Variants in FYN observed in about 807,000 individuals in gnomAD.
FYN encodes tyrosine-protein kinase Fyn.
A neutral mutation model predicts 70.2 loss-of-function variants in FYN; 10 were observed. The ratio of observed to expected loss-of-function variants is 0.14; its 90% CI spans 0.09 to 0.24. The LOEUF is 0.24. FYN is among the 10% of genes least tolerant of loss of function. The pLI, the probability that FYN is intolerant of heterozygous loss-of-function variation, is 1.00. For synonymous variants in FYN, 236 were observed against 248.6 expected, an observed-to-expected ratio of 0.95 and a Z score of 0.48; for missense variants, 319 against 673.1, an observed-to-expected ratio of 0.47 and a Z score of 5.82.
chr6:111,797,794 A>C (rs1036014447), intron 2 of FYN, among the ~76,000 whole-genome samples: 1 of 149,150 alleles, frequency 6.7e-6, no homozygotes, highest in Non-Finnish European at 1.5e-5. Context: ...ATGGAGTCTC[A>C]CTCTGTTGGC....
chr6:111,791,303 T>C (rs945435885), intron 2 of FYN, among the ~76,000 whole-genome samples: 9 of 152,110 alleles, frequency 5.9e-5, no homozygotes, highest in African/African-American at 1.7e-4. Flanking sequence ...TATAAAAGTA[T>C]GCATAAATGT....
chr6:111,695,214 G>C (rs555486196), intron 10 of FYN, among the ~76,000 whole-genome samples: 1 of 152,300 alleles, frequency 6.6e-6, no homozygotes, highest in South Asian at 2.1e-4. Flanking sequence ...CCAGAAACTT[G>C]GGTTTTAAGA....
chr6:111,870,294 T>C (rs999258377), intron 1 of FYN, among the ~76,000 whole-genome samples: 1 of 152,176 alleles, frequency 6.6e-6, no homozygotes, highest in African/African-American at 2.4e-5. Context: ...AGCTATGGGA[T>C]GGTGGAGCTA....
intron 3 of FYN, among the ~76,000 whole-genome samples, chr6:111,769,026 A>T (rs1803337377): frequency 6.6e-6 from 1 of 152,194 alleles, no homozygotes. Flanking sequence ...ACTCACAACA[A>T]CACTGTTCTA....
intron 13 of FYN, among the ~76,000 whole-genome samples, chr6:111,664,492 T>C (rs1797908499): frequency 6.6e-6 from 1 of 152,186 alleles, no homozygotes; most frequent in South Asian, 2.1e-4. Context: ...AAAGTTTTCA[T>C]CCAATGTCTG....
chr6:111,665,598 G>A (rs959548916), intron 13 of FYN, among the ~76,000 whole-genome samples: 1 of 151,208 alleles, frequency 6.6e-6, no homozygotes, highest in African/African-American at 2.5e-5. Flanking sequence ...GGGTACACTA[G>A]AGAGAGGAAT....
At chr6:111,676,022 A>G (rs773862063) in intron 12 of FYN, among the ~76,000 whole-genome samples, 18 of 152,238 alleles carry the variant, frequency 1.2e-4, no homozygotes, top group Non-Finnish European at 1.9e-4. Context: ...AGCTCCTGAA[A>G]ATCATACAAA....
chr6:111,765,304 A>C (rs1457985424), intron 3 of FYN, among the ~76,000 whole-genome samples: 2 of 152,160 alleles, frequency 1.3e-5, no homozygotes, highest in Non-Finnish European at 2.9e-5. Context: ...AGGTTGATGA[A>C]AAATAAGTTC....
At chr6:111,860,372 G>C (rs1773930412) in intron 1 of FYN, among the ~76,000 whole-genome samples, 1 of 152,154 alleles carries the variant, frequency 6.6e-6, no homozygotes, top group Admixed American at 6.5e-5. Context: ...AACCCCATGG[G>C]TGTTTTGGTG....
intron 3 of FYN, among the ~76,000 whole-genome samples, chr6:111,735,609 G>T (rs145664665): frequency 4.9e-4 from 75 of 152,178 alleles, no homozygotes; most frequent in Middle Eastern, 3.4e-3. Context: ...AGTGAAACTG[G>T]GTCTTGATAG....
At chr6:111,823,570 C>G (rs1772741243) in intron 2 of FYN, among the ~76,000 whole-genome samples, 1 of 152,146 alleles carries the variant, frequency 6.6e-6, no homozygotes, top group African/African-American at 2.4e-5. Flanking sequence ...GGGCCAAGAT[C>G]TAAGGGATAA....
intron 1 of FYN, among the ~76,000 whole-genome samples, chr6:111,862,788 A>T (rs1214217129): frequency 3.9e-5 from 6 of 152,250 alleles, no homozygotes. Context: ...GAGAGATACA[A>T]GTGTTCAATG....
chr6:111,731,978 G>A (rs936798077), intron 3 of FYN, among the ~76,000 whole-genome samples: 1 of 152,192 alleles, frequency 6.6e-6, no homozygotes, highest in Non-Finnish European at 1.5e-5. Flanking sequence ...TCAGTAAGAG[G>A]AAGAGAATGT....
intron 1 of FYN, among the ~76,000 whole-genome samples, chr6:111,867,458 G>A (rs1179937789): frequency 2.8e-5 from 2 of 70,486 alleles, no homozygotes; most frequent in African/African-American, 5.5e-5. Flanking sequence ...TCCGTCTCGG[G>A]AAAAAAAAAA....
chr6:111,729,197 G>T (rs947469961), intron 3 of FYN, among the ~76,000 whole-genome samples: 4 of 152,180 alleles, frequency 2.6e-5, no homozygotes, highest in African/African-American at 9.7e-5. Context: ...TACTCGGCCA[G>T]GTGTGGTGGT....
At chr6:111,820,359 C>T (rs898593478) in intron 2 of FYN, among the ~76,000 whole-genome samples, 1 of 152,064 alleles carries the variant, frequency 6.6e-6, no homozygotes, top group African/African-American at 2.4e-5. Flanking sequence ...TCAAAATATA[C>T]AAAACAGAAA....
At chr6:111,693,434 G>A (rs1799437277) in intron 12 of FYN, among the ~76,000 whole-genome samples, 2 of 152,038 alleles carry the variant, frequency 1.3e-5, no homozygotes, top group Admixed American at 6.6e-5. Flanking sequence ...GCCTATACTC[G>A]ATTGCAAACC....
Position 111,719,786 on chromosome 6 carries a change from T to C in FYN, c.247+19A>G. 6.2e-7 allele frequency: 1 copy of C among 1,611,798 alleles called. No homozygotes were observed. Among genetic ancestry groups the C allele is most frequent in the Non-Finnish European group, 8.5e-7 (1 of 1,178,152 alleles). Reference sequence around the variant, plus strand: ...GGGTGGCTGCCCCCTCTCTGCACTCTGTGACTTTGGGGGCTTACCTGTTCC... The same window carrying C: ...GGGTGGCTGCCCCCTCTCTGCACTCCGTGACTTTGGGGGCTTACCTGTTCC... On this transcript the variant is annotated intron_variant, in intron 4 of 13. Coordinates refer to ENST00000354650, the MANE Select transcript of FYN (RefSeq NM_002037.5).
chr6:111,674,652 A>G, intron 12 of FYN, 22 bp from the exon 13 acceptor site: 1 of 1,610,456 alleles, frequency 6.2e-7, no homozygotes, highest in Non-Finnish European at 8.5e-7. Flanking sequence ...ACACTTGGTT[A>G]TTCATCAGGC....
Sources: allele counts gnomAD v4.1 joint callset (sites outside exome capture counted in the v4.1 genomes callset), GRCh38; gene constraint gnomAD v4.1.1; transcripts MANE v1.5; gene names NCBI Gene and HGNC (gene_info 2026-07-23, HGNC 2026-07-21).